Variants in EGFR observed in about 807,000 individuals in gnomAD.
The protein encoded by EGFR is avian erythroblastic leukemia viral (v-erb-b) oncogene homolog.
EGFR carries 58 observed loss-of-function variants against 143.0 expected under a neutral mutation model. The ratio of observed to expected loss-of-function variants is 0.41; its 90% CI spans 0.33 to 0.50. The LOEUF is 0.50. EGFR is among the 20% of genes least tolerant of loss of function. The pLI is 0.39. For synonymous variants in EGFR, 613 were observed against 594.4 expected (o/e 1.03, Z -0.45); for missense variants, 1,307 against 1,579.0 (o/e 0.83, Z 2.92).
At chr7:55,155,612 A>G (rs1785370631) in intron 7 of EGFR, among the ~76,000 whole-genome samples, 1 of 152,198 alleles carries the variant, frequency 6.6e-6, no homozygotes, top group African/African-American at 2.4e-5. Context: ...GCCATGATGA[A>G]ACACCTGTAT....
chr7:55,045,416 T>C (rs1288877618), intron 1 of EGFR, among the ~76,000 whole-genome samples: 1 of 152,258 alleles, frequency 6.6e-6, no homozygotes, highest in African/African-American at 2.4e-5. Flanking sequence ...CTTGCTTTTC[T>C]ATGACAGGTT....
intron 1 of EGFR, among the ~76,000 whole-genome samples, chr7:55,118,759 G>A (rs188055552): frequency 3.9e-5 from 6 of 152,144 alleles, no homozygotes; most frequent in Admixed American, 1.3e-4. Flanking sequence ...CAGGGCGGGC[G>A]GGAACCAGGA....
chr7:55,022,171 T>C (rs1786610124), intron 1 of EGFR, among the ~76,000 whole-genome samples: 1 of 152,144 alleles, frequency 6.6e-6, no homozygotes, highest in Non-Finnish European at 1.5e-5. Flanking sequence ...TCAGTGAGCA[T>C]GGAGTGGAGA....
At chr7:55,187,041 C>T (rs571266121) in intron 20 of EGFR, among the ~76,000 whole-genome samples, 26 of 152,240 alleles carry the variant, frequency 1.7e-4, no homozygotes, top group African/African-American at 5.5e-4. Context: ...GAGTTGGCTG[C>T]GGACAGGGCG....
intron 4 of EGFR, among the ~76,000 whole-genome samples, chr7:55,148,927 TCA>T (rs1794899700): frequency 6.6e-6 from 1 of 152,190 alleles, no homozygotes; most frequent in Non-Finnish European, 1.5e-5. Flanking sequence ...CAGAAAAATT[TCA>T]CAGTGTGCCT....
chr7:55,142,511 C>G, intron 2 of EGFR, 74 bp downstream of exon 2: 1 of 1,574,406 alleles, frequency 6.4e-7, no homozygotes, highest in South Asian at 1.1e-5. Context: ...GGCAGAATTC[C>G]ACTTGAAGTG....
intron 1 of EGFR, among the ~76,000 whole-genome samples, chr7:55,043,090 A>C (rs971663684): frequency 2.0e-5 from 3 of 152,108 alleles, no homozygotes; most frequent in African/African-American, 7.2e-5. Context: ...CACTGCTCTC[A>C]ATGTTAATAC....
At chr7:55,142,560 C>A in intron 2 of EGFR, 123 bp downstream of exon 2, 1 of 1,256,098 alleles carries the variant, frequency 8.0e-7, no homozygotes, top group Non-Finnish European at 1.1e-6. Context: ...TCTTACAGAG[C>A]TACAAACGAG....
At chr7:55,128,000 A>C (rs1469741919) in intron 1 of EGFR, among the ~76,000 whole-genome samples, 1 of 152,220 alleles carries the variant, frequency 6.6e-6, no homozygotes, top group Non-Finnish European at 1.5e-5. Context: ...CAGAGAAGCC[A>C]GAGTTGGCAC....
chr7:55,145,630 A>G (rs1794721907), intron 3 of EGFR, among the ~76,000 whole-genome samples: 1 of 152,230 alleles, frequency 6.6e-6, no homozygotes, highest in Admixed American at 6.5e-5. Context: ...CTCTGTACAC[A>G]CAACATGCCC....
intron 1 of EGFR, among the ~76,000 whole-genome samples, chr7:55,058,677 G>T (rs1583932656): frequency 1.3e-5 from 2 of 152,080 alleles, no homozygotes; most frequent in Non-Finnish European, 2.9e-5. Flanking sequence ...GATACACTGG[G>T]GCCTACTTGA....
intron 1 of EGFR, among the ~76,000 whole-genome samples, chr7:55,131,363 T>C (rs1386038932): frequency 2.0e-5 from 3 of 151,688 alleles, no homozygotes; most frequent in African/African-American, 2.4e-5. Flanking sequence ...GCTGACAACA[T>C]GACATGTTTC....
intron 13 of EGFR, among the ~76,000 whole-genome samples, chr7:55,162,029 A>C (rs183352216): frequency 1.3e-5 from 2 of 152,362 alleles, no homozygotes; most frequent in Non-Finnish European, 2.9e-5. Flanking sequence ...AAATTAACAC[A>C]AATTATATTG....
chr7:55,166,164 CAA>C, intron 15 of EGFR: 3 of 426,022 alleles, frequency 7.0e-6, no homozygotes, highest in African/African-American at 2.1e-5. Flanking sequence ...AAAACAAAAA[CAA>C]AAAAAAAAGC....
At chr7:55,108,366 C>A (rs999504148) in intron 1 of EGFR, among the ~76,000 whole-genome samples, 8 of 152,222 alleles carry the variant, frequency 5.3e-5, no homozygotes, top group Non-Finnish European at 1.0e-4. Flanking sequence ...GCAGAGGGGT[C>A]CGAGAGTGAC....
At position 55,099,150 on chromosome 7, in the gene EGFR, T is replaced by G. The variant is rs1791654166; in HGVS notation, c.89-43136T>G. On this transcript the variant is annotated intron_variant, in intron 1 of 27. Transcript: ENST00000275493. Reference sequence around the variant, plus strand: ...CTTTTCACACATCGTGGTGGTGGCTTTCTCTGTGTTCCTCTGTTGATTCAG... The same window carrying G: ...CTTTTCACACATCGTGGTGGTGGCTGTCTCTGTGTTCCTCTGTTGATTCAG... 2.6e-5 allele frequency among the ~76,000 whole-genome samples: 4 copies of G among 151,572 alleles called. No homozygotes were observed. In the Admixed American group the frequency reaches 2.7e-4, roughly 10 times the overall value.
intron 3 of EGFR, among the ~76,000 whole-genome samples, chr7:55,143,970 T>C (rs1794616750): frequency 6.6e-6 from 1 of 152,146 alleles, no homozygotes; most frequent in Non-Finnish European, 1.5e-5. Flanking sequence ...TCTAGAACTT[T>C]GAATTTTTGT....
chr7:55,163,699 G>T (rs2128944498), intron 13 of EGFR, 34 bp from the exon 14 acceptor site: 2 of 1,578,456 alleles, frequency 1.3e-6, no homozygotes, highest in Non-Finnish European at 1.7e-6. Flanking sequence ...ATGTCTCAGG[G>T]GTGGGCTGAC....
At position 55,136,128 on chromosome 7, in the gene EGFR, T is replaced by C. The variant is rs17289512; in HGVS notation, c.89-6158T>C. Among the ~76,000 whole-genome samples, 563 of 152,314 alleles carry C rather than the reference T, an allele frequency of 3.7e-3. 3 individuals are homozygous for C. Among genetic ancestry groups the C allele is most frequent in the African/African-American group, 0.013 (530 of 41,564 alleles). On this transcript the variant is annotated intron_variant, in intron 1 of 27. Coordinates refer to ENST00000275493, the MANE Select transcript of EGFR (RefSeq NM_005228.5). ...ACATGTTCACTTTGAGATTTTAGTA[T>C]AGCAAAAGAAATGACCGGTCCTGAT... is the stretch of plus-strand genomic sequence containing the variant.
Sources: gnomAD v4.1 joint callset for allele counts (sites outside exome capture counted in the v4.1 genomes callset) on GRCh38, gnomAD v4.1.1 for gene constraint, MANE v1.5 for transcripts, NCBI Gene and HGNC (gene_info 2026-07-23, HGNC 2026-07-21) for gene names.